The following PLXDC2 variants were observed in gnomAD, a reference collection of about 807,000 sequenced individuals.
PLXDC2 encodes the protein plexin domain containing 2.
Under a neutral mutation model 68.9 loss-of-function variants are expected in PLXDC2, and 40 were observed. The ratio of observed to expected loss-of-function variants is 0.58; its 90% CI spans 0.45 to 0.76. PLXDC2 has a LOEUF of 0.76. Ranked by LOEUF, PLXDC2 falls within the 30% of genes least tolerant of loss-of-function variation. PLXDC2 has a pLI of 0.00. For missense variants in PLXDC2, 644 were observed against 661.9 expected, an observed-to-expected ratio of 0.97 and a Z score of 0.30; for synonymous variants, 243 against 234.2, an observed-to-expected ratio of 1.04 and a Z score of -0.34.
chr10:19,828,321 C>T (rs1836614154), intron 1 of PLXDC2, among the ~76,000 whole-genome samples: 2 of 152,188 alleles, frequency 1.3e-5, no homozygotes, highest in South Asian at 4.1e-4. Flanking sequence ...AATGAGAGTA[C>T]AGTTTGCAAG....
At chr10:19,997,900 ATGTATATAT>A (rs1161296580) in intron 1 of PLXDC2, among the ~76,000 whole-genome samples, 3 of 152,226 alleles carry the variant, frequency 2.0e-5, no homozygotes, top group African/African-American at 7.2e-5. Flanking sequence ...GTTAAGATCA[ATGTATATAT>A]TGTATTTACA....
In PLXDC2 at chr10:19,816,566, C is replaced by T. The variant is rs1589480587; in HGVS notation, c.-514C>T. On this transcript the variant is annotated 5_prime_UTR_variant, in exon 1 of 14. Transcript: ENST00000377252. ...CTTGTCGGGAGGGTTTCGTCATCAA[C>T]CTCCTTCCCGCAAACCTAAACCTCC... 1 of 156,190 alleles carries T rather than the reference C, an allele frequency of 6.4e-6. No individual in the cohort carries two copies. The highest frequency in any genetic ancestry group is 1.4e-5 in the Non-Finnish European group (1 of 70,362). The allele number at this position is 156,190 out of a possible 1,614,324, so 9.7% of individuals were successfully genotyped here.
At chr10:19,874,312 C>T (rs1189591233) in intron 1 of PLXDC2, among the ~76,000 whole-genome samples, 1 of 152,154 alleles carries the variant, frequency 6.6e-6, no homozygotes, top group African/African-American at 2.4e-5. Flanking sequence ...ATTAGGCAGA[C>T]ATGGAACAAT....
chr10:19,887,266 A>G (rs1837865111), intron 1 of PLXDC2, among the ~76,000 whole-genome samples: 1 of 152,220 alleles, frequency 6.6e-6, no homozygotes, highest in South Asian at 2.1e-4. Context: ...CATGCCTGTA[A>G]TCTCAGCACT....
Position 20,037,347 on chromosome 10 carries a change from CT to C in PLXDC2, c.325-9511del, listed in dbSNP as rs566594301. On this transcript the variant is annotated intron_variant, in intron 2 of 13. Coordinates refer to ENST00000377252, the MANE Select transcript of PLXDC2 (RefSeq NM_032812.9). ...CCTCAGATTCTCTTTCTGGCATCTTCTTTTTTTTTTTAATTTTTATTTTTTA... is the reference window on the plus strand; with the variant it reads ...CCTCAGATTCTCTTTCTGGCATCTTCTTTTTTTTTTAATTTTTATTTTTTA... Among the ~76,000 whole-genome samples, 169 of 146,088 alleles carry C rather than the reference CT, an allele frequency of 1.2e-3. 1 individual carries two copies. Among genetic ancestry groups the C allele is most frequent in the South Asian group, 6.3e-3 (29 of 4,604 alleles).
At chr10:20,093,777 G>A (rs961123089) in intron 4 of PLXDC2, among the ~76,000 whole-genome samples, 1 of 152,104 alleles carries the variant, frequency 6.6e-6, no homozygotes, top group Non-Finnish European at 1.5e-5. Flanking sequence ...GGGCTCAAGG[G>A]ATCTTCCCAC....
At chr10:19,976,119 T>C (rs1226088672) in intron 1 of PLXDC2, among the ~76,000 whole-genome samples, 1 of 152,226 alleles carries the variant, frequency 6.6e-6, no homozygotes, top group Non-Finnish European at 1.5e-5. Flanking sequence ...AATTCGTTTC[T>C]CCACACAATT....
In PLXDC2 at chr10:20,176,984, T is replaced by C. The variant is rs1283732136; in HGVS notation, c.884-15T>C. 1.3e-6 allele frequency: 2 copies of C among 1,555,886 alleles called. No homozygotes were observed. The highest frequency in any genetic ancestry group is 1.8e-6 in the Non-Finnish European group (2 of 1,140,764). ...GGAAAGGTTAAAAATTGATTTTTTT[T>C]CCTTTTTTTTCTAGATGTTCGAAGA... On this transcript the variant is annotated splice_polypyrimidine_tract_variant and intron_variant, in intron 7 of 13. Coordinates refer to ENST00000377252, the MANE Select transcript of PLXDC2 (RefSeq NM_032812.9).
intron 1 of PLXDC2, among the ~76,000 whole-genome samples, chr10:19,859,066 G>C (rs555887386): frequency 2.2e-4 from 33 of 151,798 alleles, no homozygotes; most frequent in African/African-American, 7.5e-4. Flanking sequence ...GAGAGGAGGA[G>C]GTGCCAGGCT....
At chr10:19,971,287 G>C (rs182603455) in intron 1 of PLXDC2, among the ~76,000 whole-genome samples, 1 of 152,144 alleles carries the variant, frequency 6.6e-6, no homozygotes, top group South Asian at 2.1e-4. Context: ...ATCATAACAT[G>C]ACGAGTGAGT....
rs371812471 is a variant in PLXDC2, at chr10:20,143,418, G to T, written c.664+1G>T. The T allele has an allele frequency of 6.8e-6, 11 of 1,612,782 alleles. No homozygotes were observed. Among genetic ancestry groups the T allele is most frequent in the Non-Finnish European group, 9.3e-6 (11 of 1,179,162 alleles). The stretch of plus-strand genomic sequence containing the variant: ...TCAACTGTCAGATATTTTGATAATG[G>T]TATGTGTTGAGTAGCCTATTTTTTG... On this transcript the variant is annotated splice_donor_variant, in intron 5 of 13. Coordinates refer to ENST00000377252, the MANE Select transcript of PLXDC2 (RefSeq NM_032812.9). LOFTEE classifies it high-confidence loss of function.
At chr10:19,823,449 G>A (rs1836514805) in intron 1 of PLXDC2, among the ~76,000 whole-genome samples, 2 of 151,840 alleles carry the variant, frequency 1.3e-5, no homozygotes, top group South Asian at 2.1e-4. Flanking sequence ...TTTGGGAGGT[G>A]GAGGTGGGTA....
At chr10:20,122,318 G>T (rs1833709727) in intron 4 of PLXDC2, among the ~76,000 whole-genome samples, 1 of 152,102 alleles carries the variant, frequency 6.6e-6, no homozygotes, top group South Asian at 2.1e-4. Context: ...AGTAGCCTCC[G>T]TATTGATTAA....
intron 1 of PLXDC2, among the ~76,000 whole-genome samples, chr10:19,859,275 A>G (rs1402687245): frequency 1.3e-5 from 2 of 152,118 alleles, no homozygotes; most frequent in African/African-American, 4.8e-5. Context: ...AAAAATAACA[A>G]AAAACAAAAA....
rs183971742 is a variant in PLXDC2 at position 20,278,001 on chromosome 10, C to T, written c.1474-1702C>T. Among the ~76,000 whole-genome samples the T allele has an allele frequency of 4.6e-5, 7 of 152,264 alleles. No individual in the cohort carries two copies. The South Asian group carries it at 8.3e-4, about 18-fold the overall frequency. On this transcript the variant is annotated intron_variant, in intron 13 of 13. Transcript: ENST00000377252. ...AAGATAATGATCTCCAGTCCATCCA[C>T]GTTGTTGTGAATGACAGGATCTCAT...
intron 1 of PLXDC2, among the ~76,000 whole-genome samples, chr10:19,846,223 C>T (rs1212371752): frequency 6.6e-6 from 1 of 152,016 alleles, no homozygotes; most frequent in Non-Finnish European, 1.5e-5. Context: ...TAATTTGGAT[C>T]TGTTAGTGGC....
rs560960645 is a variant in PLXDC2 at position 19,949,113 on chromosome 10, G to A, written c.113-52662G>A. ...CTGCACTCCAGTCTGGCAACAGAGCGAGACTTTGTCAAAAAAAAAAAAAAA... is the reference window on the plus strand; with the variant it reads ...CTGCACTCCAGTCTGGCAACAGAGCAAGACTTTGTCAAAAAAAAAAAAAAA... On this transcript the variant is annotated intron_variant, in intron 1 of 13. Coordinates refer to ENST00000377252, the MANE Select transcript of PLXDC2 (RefSeq NM_032812.9). Among the ~76,000 whole-genome samples the A allele has an allele frequency of 9.3e-5, 9 of 96,630 alleles. No individual in the cohort carries two copies. The East Asian group carries it at 1.5e-3, about 16-fold the overall frequency. 63.4% of individuals were successfully genotyped at this position (96,630 alleles called of 152,430 possible).
intron 4 of PLXDC2, among the ~76,000 whole-genome samples, chr10:20,069,705 T>C (rs1836283628): frequency 6.7e-6 from 1 of 149,636 alleles, no homozygotes; most frequent in South Asian, 2.1e-4. Flanking sequence ...ATGGCATGCA[T>C]CTGTAGTCTC....
At chr10:20,001,373 T>C (rs1386599067) in intron 1 of PLXDC2, among the ~76,000 whole-genome samples, 1 of 152,080 alleles carries the variant, frequency 6.6e-6, no homozygotes, top group Non-Finnish European at 1.5e-5. Flanking sequence ...GAGGTCTGAC[T>C]TTTATTTTCA....
Sources: gnomAD v4.1 joint callset for allele counts (sites outside exome capture counted in the v4.1 genomes callset) on GRCh38, gnomAD v4.1.1 for gene constraint, MANE v1.5 for transcripts, NCBI Gene and HGNC (gene_info 2026-07-23, HGNC 2026-07-21) for gene names.